The following BCL2L11 variants were observed in gnomAD, a reference collection of about 807,000 sequenced individuals.
BCL2L11 encodes BCL2 like 11.
BCL2L11 carries 15 observed loss-of-function variants against 20.6 expected under a neutral mutation model. The observed-to-expected ratio is 0.73, with a 90% confidence interval of 0.49 to 1.12. The LOEUF is 1.12. BCL2L11 is among the 50% of genes most tolerant of loss of function. The pLI, the probability that BCL2L11 is intolerant of heterozygous loss-of-function variation, is 0.00. For synonymous variants in BCL2L11, 108 were observed against 92.8 expected (o/e 1.16, Z -0.94); for missense variants, 292 against 260.9 (o/e 1.12, Z -0.82).
At chr2:111,127,881 T>C (rs2073025472) in intron 2 of BCL2L11, among the ~76,000 whole-genome samples, 3 of 152,186 alleles carry the variant, frequency 2.0e-5, no homozygotes, top group Admixed American at 6.5e-5. Flanking sequence ...TGTTTTCATA[T>C]GGGTTACATG....
At chr2:111,135,873 G>C (rs895175351) in intron 2 of BCL2L11, among the ~76,000 whole-genome samples, 2 of 152,194 alleles carry the variant, frequency 1.3e-5, no homozygotes, top group African/African-American at 4.8e-5. Context: ...AACCCTGGGA[G>C]GGGATGTTAG....
chr2:111,123,822 C>A lies in BCL2L11; in HGVS notation c.77C>A (p.Pro26His), dbSNP rs375839187. The A allele has an allele frequency of 6.5e-6, 10 of 1,527,886 alleles. No individual in the cohort carries two copies. The African/African-American group carries it at 7.0e-5, about 11-fold the overall frequency. 94.6% of individuals were successfully genotyped at this position (1,527,886 alleles called of 1,614,324 possible). The change falls in exon 2 of 4, where the codon CCC becomes CAC. Residue 26 changes from proline (P) to histidine (H), a missense_variant. Transcript: ENST00000393256. ...CAATTGCAGCCTGCGGAGAGGCCTC[C>A]CCAGCTCAGACCTGGGGCCCCTACC... ...GRQLQPAERP[P>H]QLRPGAPTSL... is the part of the protein sequence containing the mutation.
chr2:111,123,342 C>G (rs1406344439), intron 1 of BCL2L11: 7 of 985,492 alleles, frequency 7.1e-6, no homozygotes, highest in South Asian at 4.7e-5. Flanking sequence ...CATCTGCGCC[C>G]GCTCCTGTGC....
In BCL2L11 at chr2:111,168,072, A is replaced by G. The variant is rs371052885; in HGVS notation, c.*3841A>G. 6.6e-6 allele frequency: 1 copy of G among 152,666 alleles called. No homozygotes were observed. The highest frequency in any genetic ancestry group is 1.9e-4 in the East Asian group (1 of 5,202). 9.5% of individuals were successfully genotyped at this position (152,666 alleles called of 1,614,324 possible). On this transcript the variant is annotated 3_prime_UTR_variant, in exon 4 of 4. Coordinates refer to ENST00000393256, the MANE Select transcript of BCL2L11 (RefSeq NM_138621.5). ...TCAGTTGGGGTCTACTCTAAACAGC[A>G]TTGTGTGTAAGAAGCATCCTCAAGC...
At chr2:111,149,958 G>T in intron 2 of BCL2L11, 86 bp from the exon 3 acceptor site, 1 of 1,128,364 alleles carries the variant, frequency 8.9e-7, no homozygotes, top group South Asian at 1.5e-5. Flanking sequence ...TGTGAGATGG[G>T]CTTGCCTCTA....
At position 111,151,202 on chromosome 2, in the gene BCL2L11, G is replaced by A. The variant is rs1359113363; in HGVS notation, c.498+1055G>A. On this transcript the variant is annotated intron_variant, in intron 3 of 3. Transcript: ENST00000393256. ...CAGGTGTGAGCCTCTGCGCCTGGCC[G>A]CATGGGAGACATTTTTAAATGTGTA... is the stretch of plus-strand genomic sequence containing the variant. Among the ~76,000 whole-genome samples the A allele has an allele frequency of 3.3e-5, 5 of 152,128 alleles. No homozygotes were observed. In the South Asian group the frequency reaches 8.3e-4, roughly 25 times the overall value.
At chr2:111,147,327 A>ATCTCTCTCTCTCTCTCTCTCTCTC (rs367737247) in intron 2 of BCL2L11, among the ~76,000 whole-genome samples, 18 of 125,904 alleles carry the variant, frequency 1.4e-4, no homozygotes, top group African/African-American at 5.7e-4. Flanking sequence ...AGCCTCCTGT[A>ATCTCTCTCTCTCTCTCTCTCTCTC]TCTCTCTCTC....
intron 2 of BCL2L11, among the ~76,000 whole-genome samples, chr2:111,141,562 C>G (rs2075822249): frequency 6.7e-6 from 1 of 150,218 alleles, no homozygotes. Context: ...ATACCTAATG[C>G]TAGATGACGA....
chr2:111,146,743 AT>A (rs2076565691), intron 2 of BCL2L11, among the ~76,000 whole-genome samples: 1 of 152,226 alleles, frequency 6.6e-6, no homozygotes, highest in Admixed American at 6.5e-5. Context: ...CATAGAAGAT[AT>A]TTTGTCACTT....
At chr2:111,128,490 T>A in intron 2 of BCL2L11, 2 of 1,233,382 alleles carry the variant, frequency 1.6e-6, no homozygotes, top group Non-Finnish European at 2.1e-6. Flanking sequence ...ATATGGTAAT[T>A]CTATTTTTAA....
intron 2 of BCL2L11, among the ~76,000 whole-genome samples, chr2:111,146,626 C>T (rs979881993): frequency 3.9e-5 from 6 of 152,198 alleles, no homozygotes; most frequent in Non-Finnish European, 8.8e-5. Context: ...ATCGGTGCCA[C>T]TGTGGGGCTT....
chr2:111,149,163 G>T (rs1050898057), intron 2 of BCL2L11, among the ~76,000 whole-genome samples: 27 of 152,248 alleles, frequency 1.8e-4, no homozygotes, highest in African/African-American at 6.3e-4. Context: ...TTTCCTGGTG[G>T]CACATGGAGA....
intron 3 of BCL2L11, among the ~76,000 whole-genome samples, chr2:111,158,859 G>T (rs75386421): frequency 0.037 from 5,689 of 152,276 alleles, 166 homozygotes; most frequent in Non-Finnish European, 0.054. Flanking sequence ...TGTCATGTCT[G>T]ATCTCAACCT....
intron 2 of BCL2L11, among the ~76,000 whole-genome samples, chr2:111,138,266 C>T (rs910966057): frequency 3.3e-5 from 5 of 152,168 alleles, no homozygotes; most frequent in Non-Finnish European, 7.3e-5. Flanking sequence ...ACCTCGGCCT[C>T]CCAAAGTGCT....
chr2:111,157,089 T>G (rs2077958532), intron 3 of BCL2L11, among the ~76,000 whole-genome samples: 1 of 152,198 alleles, frequency 6.6e-6, no homozygotes, highest in Non-Finnish European at 1.5e-5. Flanking sequence ...GGCATCGGGC[T>G]AAAGGACTTG....
intron 2 of BCL2L11, among the ~76,000 whole-genome samples, chr2:111,138,841 A>T (rs1001670220): frequency 1.3e-5 from 2 of 152,256 alleles, no homozygotes; most frequent in African/African-American, 4.8e-5. Flanking sequence ...CTCAGCCATC[A>T]AGTGAGGACA....
rs146318804 is a variant in BCL2L11, at chr2:111,150,106, C to T, written c.457C>T (p.Arg153Trp). The stretch of plus-strand genomic sequence containing the variant: ...AGAGATATGGATCGCCCAAGAGTTG[C>T]GGCGTATTGGAGACGAGTTTAACGC... ...RPEIWIAQEL[R>W]RIGDEFNAYY... Residue 153 changes from arginine to tryptophan, a missense_variant, in exon 3 of 4, where the codon CGG (arginine) becomes TGG (tryptophan). Arg to Trp is a moderately radical substitution (Grantham distance 101). Transcript: ENST00000393256. 2 of 1,613,894 alleles carry T rather than the reference C, an allele frequency of 1.2e-6. No homozygotes were observed. The highest frequency in any genetic ancestry group is 1.7e-6 in the Non-Finnish European group (2 of 1,179,878).
At chr2:111,151,417 G>C (rs563295779) in intron 3 of BCL2L11, among the ~76,000 whole-genome samples, 1 of 152,250 alleles carries the variant, frequency 6.6e-6, no homozygotes, top group South Asian at 2.1e-4. Context: ...AAATGTTATA[G>C]TTGTTAATAT....
chr2:111,122,973 G>T, intron 1 of BCL2L11: 1 of 985,474 alleles, frequency 1.0e-6, no homozygotes, highest in South Asian at 4.7e-5. Context: ...TGGGATGAAG[G>T]CGGCGCGGCG....
Sources: allele counts gnomAD v4.1 joint callset (sites outside exome capture counted in the v4.1 genomes callset), GRCh38; gene constraint gnomAD v4.1.1; transcripts MANE v1.5; gene names NCBI Gene and HGNC (gene_info 2026-07-23, HGNC 2026-07-21).